The following GRAMD1B variants were observed in gnomAD, a reference collection of about 807,000 sequenced individuals.
The protein encoded by GRAMD1B is protein Aster-B.
In GRAMD1B, 37 loss-of-function variants were observed where a neutral mutation model predicts 99.7. The ratio of observed to expected loss-of-function variants is 0.37; its 90% CI spans 0.29 to 0.49. The LOEUF (loss-of-function observed/expected upper bound fraction) is 0.49. GRAMD1B is among the 20% of genes least tolerant of loss of function. GRAMD1B has a pLI of 0.98. For missense variants in GRAMD1B, 888 were observed against 1,009.2 expected, an observed-to-expected ratio of 0.88 and a Z score of 1.63; for synonymous variants, 427 against 387.6, an observed-to-expected ratio of 1.10 and a Z score of -1.19.
intron 3 of GRAMD1B, among the ~76,000 whole-genome samples, chr11:123,583,357 GTGTA>G (rs1440031793): frequency 2.0e-5 from 3 of 150,676 alleles, no homozygotes; most frequent in East Asian, 2.0e-4. Context: ...GTGTGCATGT[GTGTA>G]TGTGTGTGTG....
intron 1 of GRAMD1B, among the ~76,000 whole-genome samples, chr11:123,398,295 G>A (rs1455911166): frequency 6.6e-6 from 1 of 152,120 alleles, no homozygotes; most frequent in East Asian, 1.9e-4. Flanking sequence ...CACTGGTGAG[G>A]GCCTTCTTGC....
chr11:123,400,850 A>G (rs1947635160), intron 1 of GRAMD1B, among the ~76,000 whole-genome samples: 2 of 152,168 alleles, frequency 1.3e-5, no homozygotes, highest in Non-Finnish European at 2.9e-5. Context: ...TTATTGATTG[A>G]TTTCTTTGCT....
At chr11:123,417,524 G>A (rs946780412) in intron 1 of GRAMD1B, among the ~76,000 whole-genome samples, 2 of 152,224 alleles carry the variant, frequency 1.3e-5, no homozygotes, top group Non-Finnish European at 2.9e-5. Flanking sequence ...CACACTGGGG[G>A]AGACCAAGCA....
chr11:123,595,811 G>T, intron 6 of GRAMD1B, 131 bp from the exon 7 acceptor site: 1 of 571,562 alleles, frequency 1.7e-6, no homozygotes, highest in Non-Finnish European at 3.2e-6. Context: ...TCACCAATGC[G>T]GCCTCTTCCA....
intron 2 of GRAMD1B, among the ~76,000 whole-genome samples, chr11:123,549,918 C>T (rs569282508): frequency 3.3e-5 from 5 of 152,102 alleles, no homozygotes; most frequent in African/African-American, 1.2e-4. Flanking sequence ...CATGGTCGGA[C>T]ATGTATGGGA....
At chr11:123,571,742 A>G (rs1045649958) in intron 2 of GRAMD1B, among the ~76,000 whole-genome samples, 1 of 152,114 alleles carries the variant, frequency 6.6e-6, no homozygotes, top group Non-Finnish European at 1.5e-5. Flanking sequence ...CTGGTGACTC[A>G]TGGTTTCTGT....
At chr11:123,363,123 G>A (rs1013616878) in intron 1 of GRAMD1B, among the ~76,000 whole-genome samples, 2 of 152,112 alleles carry the variant, frequency 1.3e-5, no homozygotes, top group Non-Finnish European at 2.9e-5. Flanking sequence ...TCTCTTCCCC[G>A]TTTTCCTCTG....
chr11:123,461,963 A>C (rs1009247121), intron 1 of GRAMD1B, among the ~76,000 whole-genome samples: 11 of 109,960 alleles, frequency 1.0e-4, no homozygotes, highest in South Asian at 2.9e-4. Flanking sequence ...TCATTTGTTT[A>C]TTTCTTTTTT....
chr11:123,614,871 C>A, intron 17 of GRAMD1B, 36 bp downstream of exon 17: 3 of 1,240,148 alleles, frequency 2.4e-6, no homozygotes, highest in South Asian at 1.3e-5. Flanking sequence ...CTGCCCTCAC[C>A]ACCTTCCCTT....
chr11:123,602,301 A>AATTATTATT (rs4063750), intron 8 of GRAMD1B, among the ~76,000 whole-genome samples: 32,747 of 150,062 alleles, frequency 0.22, 4,183 homozygotes, highest in South Asian at 0.37. Flanking sequence ...GGAGCTCTCA[A>AATTATTATT]ATTATTATTA....
intron 1 of GRAMD1B, among the ~76,000 whole-genome samples, chr11:123,403,894 C>T (rs73605966): frequency 0.055 from 8,311 of 152,198 alleles, 316 homozygotes; most frequent in African/African-American, 0.1. Flanking sequence ...GCATTTTAGC[C>T]TAGTCTTTGC....
At chr11:123,548,861 G>A (rs1304399973) in intron 2 of GRAMD1B, among the ~76,000 whole-genome samples, 1 of 152,098 alleles carries the variant, frequency 6.6e-6, no homozygotes, top group Non-Finnish European at 1.5e-5. Flanking sequence ...CTCCTGCCAC[G>A]ACCTTCCAGA....
intron 2 of GRAMD1B, among the ~76,000 whole-genome samples, chr11:123,555,887 C>T (rs942005270): frequency 2.6e-5 from 4 of 152,070 alleles, no homozygotes; most frequent in Admixed American, 6.6e-5. Context: ...GCGCCCACCA[C>T]CACGCCTGGC....
chr11:123,603,340 A>G (rs1476564492), intron 8 of GRAMD1B, 86 bp from the exon 9 acceptor site: 2 of 801,394 alleles, frequency 2.5e-6, no homozygotes, highest in East Asian at 2.6e-5. Flanking sequence ...CCTCTTCTCC[A>G]GGGGAACCAG....
upstream of GRAMD1B, among the ~76,000 whole-genome samples, chr11:123,427,516 T>TTATAGTCTTAACAGTATAGTCTTAACAG (rs1948698030): frequency 8.5e-5 from 13 of 152,198 alleles, no homozygotes; most frequent in Admixed American, 8.5e-4. Context: ...CTCAAGGAGC[T>TTATAGTCTTAACAGTATAGTCTTAACAG]TATAGTCTTA....
At chr11:123,518,223 C>T (rs1319183036) in intron 2 of GRAMD1B, among the ~76,000 whole-genome samples, 3 of 152,034 alleles carry the variant, frequency 2.0e-5, no homozygotes, top group Non-Finnish European at 4.4e-5. Context: ...ATCCGGGACA[C>T]GGGGATGAGC....
chr11:123,608,312 T>C (rs1009451317), intron 11 of GRAMD1B: 4 of 604,860 alleles, frequency 6.6e-6, no homozygotes, highest in Non-Finnish European at 1.2e-5. Context: ...TTCTTTGGGT[T>C]TAGGCAACTT....
intron 1 of GRAMD1B, among the ~76,000 whole-genome samples, chr11:123,409,403 G>A (rs564644611): frequency 6.6e-6 from 1 of 152,272 alleles, no homozygotes; most frequent in Admixed American, 6.5e-5. Context: ...GTTGGTAACT[G>A]TGCCGCAGTC....
At chr11:123,445,885 C>T (rs1413622002) in intron 1 of GRAMD1B, among the ~76,000 whole-genome samples, 3 of 151,020 alleles carry the variant, frequency 2.0e-5, no homozygotes, top group South Asian at 4.2e-4. Context: ...ATTGGTTGCA[C>T]TGTCTTTCTT....
Sources: allele counts gnomAD v4.1 joint callset (sites outside exome capture counted in the v4.1 genomes callset), GRCh38; gene constraint gnomAD v4.1.1; transcripts MANE v1.5; gene names NCBI Gene and HGNC (gene_info 2026-07-23, HGNC 2026-07-21).